Variants in LRRIQ3 observed in about 807,000 individuals in gnomAD.
LRRIQ3 encodes leucine-rich repeat and IQ domain-containing protein 3.
LRRIQ3 carries 75 observed loss-of-function variants against 59.3 expected under a neutral mutation model. The ratio of observed to expected loss-of-function variants is 1.26; its 90% CI spans 1.05 to 1.53. LRRIQ3 has a LOEUF of 1.53. LRRIQ3 is among the 40% of genes most tolerant of loss of function. The pLI, the probability that LRRIQ3 is intolerant of heterozygous loss-of-function variation, is 0.00. For synonymous variants in LRRIQ3, 250 were observed against 231.3 expected (o/e 1.08, Z -0.73); for missense variants, 831 against 710.0 (o/e 1.17, Z -1.94).
intron 4 of LRRIQ3, among the ~76,000 whole-genome samples, chr1:74,135,437 T>G (rs867946895): frequency 6.6e-6 from 1 of 151,910 alleles, no homozygotes; most frequent in Non-Finnish European, 1.5e-5. Flanking sequence ...ATTCACCCAA[T>G]AGAATGAAAT....
chr1:74,179,383 C>A (rs1649843131), intron 3 of LRRIQ3, among the ~76,000 whole-genome samples: 1 of 151,806 alleles, frequency 6.6e-6, no homozygotes, highest in Non-Finnish European at 1.5e-5. Flanking sequence ...GCTTTAATTA[C>A]ACTATTAGAT....
intron 3 of LRRIQ3, among the ~76,000 whole-genome samples, chr1:74,157,774 C>A (rs565440421): frequency 6.6e-6 from 1 of 152,122 alleles, no homozygotes; most frequent in Admixed American, 6.5e-5. Context: ...AAAGAATTTT[C>A]TCCATGTTGC....
chr1:74,191,835 A>G (rs937370492), intron 1 of LRRIQ3, among the ~76,000 whole-genome samples: 1 of 152,172 alleles, frequency 6.6e-6, no homozygotes, highest in Admixed American at 6.6e-5. Context: ...AAGAGCAAAG[A>G]TCTAAAATGA....
intron 4 of LRRIQ3, among the ~76,000 whole-genome samples, chr1:74,111,439 C>A (rs892646659): frequency 1.3e-5 from 2 of 151,756 alleles, no homozygotes; most frequent in Non-Finnish European, 2.9e-5. Flanking sequence ...GAGATAAGAC[C>A]ACATTTGGCA....
chr1:74,164,004 A>AT (rs1224404619), intron 3 of LRRIQ3, among the ~76,000 whole-genome samples: 2 of 150,934 alleles, frequency 1.3e-5, no homozygotes, highest in Non-Finnish European at 3.0e-5. Flanking sequence ...GATATTGAAT[A>AT]TTTTTTCACG....
At chr1:74,178,744 G>A (rs1429592595) in intron 3 of LRRIQ3, among the ~76,000 whole-genome samples, 1 of 152,114 alleles carries the variant, frequency 6.6e-6, no homozygotes, top group Non-Finnish European at 1.5e-5. Context: ...TCTACCTAGT[G>A]GTAGTCATGT....
At chr1:74,133,861 A>G (rs1251264161) in intron 4 of LRRIQ3, among the ~76,000 whole-genome samples, 1 of 151,792 alleles carries the variant, frequency 6.6e-6, no homozygotes, top group East Asian at 1.9e-4. Flanking sequence ...AAAGTATAAT[A>G]ATAAAAAAAA....
At chr1:74,042,797 A>T (rs1216804288) in intron 6 of LRRIQ3, among the ~76,000 whole-genome samples, 5 of 152,098 alleles carry the variant, frequency 3.3e-5, no homozygotes, top group African/African-American at 7.2e-5. Context: ...CCATGGGCTA[A>T]GTCCTTTTTA....
chr1:74,160,830 A>G (rs145492091), intron 3 of LRRIQ3, among the ~76,000 whole-genome samples: 8 of 152,128 alleles, frequency 5.3e-5, no homozygotes, highest in African/African-American at 1.7e-4. Flanking sequence ...TTCTGTAGTA[A>G]TGGATCCTGT....
intron 3 of LRRIQ3, among the ~76,000 whole-genome samples, chr1:74,166,760 T>C (rs1448652289): frequency 6.6e-6 from 1 of 151,712 alleles, no homozygotes; most frequent in Admixed American, 6.6e-5. Flanking sequence ...ATTTCTTTAT[T>C]TCTTTTACAC....
intron 4 of LRRIQ3, among the ~76,000 whole-genome samples, chr1:74,114,203 T>C (rs916423272): frequency 2.6e-5 from 4 of 151,934 alleles, no homozygotes; most frequent in African/African-American, 4.8e-5. Flanking sequence ...AAATATAATA[T>C]AACAAACTCT....
At chr1:74,192,481 C>T (rs1650829328) in intron 1 of LRRIQ3, among the ~76,000 whole-genome samples, 2 of 152,024 alleles carry the variant, frequency 1.3e-5, no homozygotes, top group South Asian at 4.1e-4. Context: ...TTCCTCTTTA[C>T]TGATTTTTGT....
intron 4 of LRRIQ3, among the ~76,000 whole-genome samples, chr1:74,140,362 T>C (rs1340311807): frequency 6.6e-6 from 1 of 151,858 alleles, no homozygotes; most frequent in Non-Finnish European, 1.5e-5. Context: ...AATTGACTGA[T>C]TGACATAATG....
intron 4 of LRRIQ3, among the ~76,000 whole-genome samples, chr1:74,152,123 T>C (rs1648028314): frequency 3.3e-5 from 5 of 151,612 alleles, no homozygotes; most frequent in Admixed American, 3.3e-4. Flanking sequence ...AACAAAAAGA[T>C]AGCAAGAAAA....
At chr1:74,079,003 T>C (rs1195625398) in intron 5 of LRRIQ3, among the ~76,000 whole-genome samples, 3 of 151,906 alleles carry the variant, frequency 2.0e-5, no homozygotes, top group African/African-American at 7.2e-5. Context: ...ATATTTTAAA[T>C]ATGCTTCCTT....
chr1:74,097,398 G>T (rs1265519151), intron 5 of LRRIQ3, among the ~76,000 whole-genome samples: 1 of 152,124 alleles, frequency 6.6e-6, no homozygotes, highest in African/African-American at 2.4e-5. Flanking sequence ...AGAAATATGG[G>T]ACTATGTGAA....
At chr1:74,076,344 G>T (rs1012017949) in intron 5 of LRRIQ3, among the ~76,000 whole-genome samples, 2 of 151,934 alleles carry the variant, frequency 1.3e-5, no homozygotes, top group African/African-American at 4.8e-5. Flanking sequence ...AGTTCTTTAT[G>T]GATATTAACT....
chr1:74,101,914 T>TG (rs1184105991), intron 5 of LRRIQ3, among the ~76,000 whole-genome samples: 2 of 151,302 alleles, frequency 1.3e-5, no homozygotes, highest in Admixed American at 6.6e-5. Flanking sequence ...TGTCATATGG[T>TG]GGGGGGAGCG....
chr1:74,131,458 T>A (rs941334247), intron 4 of LRRIQ3, among the ~76,000 whole-genome samples: 1 of 152,078 alleles, frequency 6.6e-6, no homozygotes, highest in African/African-American at 2.4e-5. Flanking sequence ...CTGATGAACA[T>A]CAATGCAAAA....
Sources: allele counts gnomAD v4.1 joint callset (sites outside exome capture counted in the v4.1 genomes callset), GRCh38; gene constraint gnomAD v4.1.1; transcripts MANE v1.5; gene names NCBI Gene and HGNC (gene_info 2026-07-23, HGNC 2026-07-21).